FAM184B: variants seen among roughly 807,000 people sequenced by gnomAD.
FAM184B encodes the protein protein FAM184B.
A neutral mutation model predicts 135.9 loss-of-function variants in FAM184B; 111 were observed. The ratio of observed to expected loss-of-function variants is 0.82; its 90% CI spans 0.70 to 0.96. The LOEUF (loss-of-function observed/expected upper bound fraction) is 0.96. Among genes scored for constraint, FAM184B ranks in the 40% least tolerant of loss-of-function variants. The pLI is 0.00. For missense variants in FAM184B, 1,375 were observed against 1,323.9 expected, an observed-to-expected ratio of 1.04 and a Z score of -0.60; for synonymous variants, 552 against 524.8, an observed-to-expected ratio of 1.05 and a Z score of -0.71.
At chr4:17,732,775 G>C (rs1441349932) in intron 1 of FAM184B, among the ~76,000 whole-genome samples, 19 of 152,138 alleles carry the variant, frequency 1.2e-4, no homozygotes, top group African/African-American at 3.1e-4. Context: ...GAGCTGGTAC[G>C]ATTCCTTCTG....
At chr4:17,715,466 A>T (rs966988237) in intron 1 of FAM184B, among the ~76,000 whole-genome samples, 3 of 152,006 alleles carry the variant, frequency 2.0e-5, no homozygotes, top group Non-Finnish European at 4.4e-5. Context: ...ATAGAGTGAC[A>T]CTCTATCTCA....
intron 1 of FAM184B, among the ~76,000 whole-genome samples, chr4:17,775,585 A>C (rs1718910107): frequency 6.6e-6 from 1 of 152,204 alleles, no homozygotes; most frequent in South Asian, 2.1e-4. Flanking sequence ...TTTGTATTCC[A>C]GTTTTGTCAA....
At chr4:17,753,648 A>G (rs991757515) in intron 1 of FAM184B, among the ~76,000 whole-genome samples, 1 of 152,210 alleles carries the variant, frequency 6.6e-6, no homozygotes, top group African/African-American at 2.4e-5. Flanking sequence ...AGCTTTCCCA[A>G]TGTTTGCTGA....
At chr4:17,660,849 C>T (rs1444851492) in intron 8 of FAM184B, among the ~76,000 whole-genome samples, 12 of 152,038 alleles carry the variant, frequency 7.9e-5, no homozygotes. Flanking sequence ...GCAGCATCTT[C>T]TTCCCCTGAC....
At chr4:17,697,666 A>C (rs969039731) in intron 5 of FAM184B, among the ~76,000 whole-genome samples, 1 of 152,228 alleles carries the variant, frequency 6.6e-6, no homozygotes, top group Non-Finnish European at 1.5e-5. Flanking sequence ...TTTGTTTAAC[A>C]TGCTTTAATA....
intron 1 of FAM184B, among the ~76,000 whole-genome samples, chr4:17,763,011 G>A (rs1364883008): frequency 6.6e-6 from 1 of 152,172 alleles, no homozygotes; most frequent in East Asian, 1.9e-4. Flanking sequence ...ACATGTTCCT[G>A]ACTCACTCCT....
At chr4:17,767,731 T>C (rs1389967217) in intron 1 of FAM184B, among the ~76,000 whole-genome samples, 2 of 49,598 alleles carry the variant, frequency 4.0e-5, no homozygotes, top group African/African-American at 1.7e-4. Flanking sequence ...CAGCCCCCTT[T>C]GGGTCTCAGA....
intron 7 of FAM184B, among the ~76,000 whole-genome samples, chr4:17,666,775 G>T (rs2108945748): frequency 6.6e-6 from 1 of 151,912 alleles, no homozygotes. Context: ...CTTACTGGAA[G>T]GTAAGCTCCA....
intron 1 of FAM184B, among the ~76,000 whole-genome samples, chr4:17,778,480 A>G (rs1219982643): frequency 2.0e-5 from 3 of 152,236 alleles, no homozygotes; most frequent in African/African-American, 7.2e-5. Flanking sequence ...AACACTGTAG[A>G]TTCAAGAAAA....
chr4:17,686,450 T>G (rs1716594140), intron 7 of FAM184B, among the ~76,000 whole-genome samples: 2 of 152,342 alleles, frequency 1.3e-5, no homozygotes, highest in South Asian at 4.1e-4. Context: ...GCTGCTCCCC[T>G]TAACCCAATG....
At chr4:17,652,164 G>C in intron 11 of FAM184B, among the ~76,000 whole-genome samples, 1 of 115,756 alleles carries the variant, frequency 8.6e-6, no homozygotes, top group Admixed American at 1.3e-4. Flanking sequence ...TTGCACTGTC[G>C]CCCAGGCTGG....
At chr4:17,775,131 G>A (rs6812677) in intron 1 of FAM184B, among the ~76,000 whole-genome samples, 207 of 150,314 alleles carry the variant, frequency 1.4e-3, no homozygotes, top group African/African-American at 4.8e-3. Context: ...TGGGTAGCTG[G>A]GACTACAGGT....
intron 16 of FAM184B, 38 bp from the exon 17 acceptor site, chr4:17,633,926 C>CA (rs1715043186): frequency 6.9e-6 from 9 of 1,305,278 alleles, no homozygotes; most frequent in South Asian, 3.7e-5. Context: ...CAATGCAATG[C>CA]AAAAAACAAA....
intron 14 of FAM184B, among the ~76,000 whole-genome samples, chr4:17,637,054 TCTCC>T (rs1449729264): frequency 1.3e-5 from 2 of 150,796 alleles, no homozygotes; most frequent in East Asian, 3.9e-4. Context: ...GGAGACGGAG[TCTCC>T]CTCTGTCGCC....
At chr4:17,706,945 T>G in intron 3 of FAM184B, among the ~76,000 whole-genome samples, 1 of 151,942 alleles carries the variant, frequency 6.6e-6, no homozygotes, top group African/African-American at 2.4e-5. Context: ...CTCACTGTGC[T>G]TGGCTAATTT....
At chr4:17,722,102 G>A (rs1041531682) in intron 1 of FAM184B, among the ~76,000 whole-genome samples, 34 of 152,190 alleles carry the variant, frequency 2.2e-4, no homozygotes, top group African/African-American at 7.5e-4. Context: ...GGTGTGGAGA[G>A]GGGGAGACGG....
intron 16 of FAM184B, 67 bp from the exon 17 acceptor site, chr4:17,633,955 AGCAAATAAT>A: frequency 8.1e-7 from 1 of 1,239,432 alleles, no homozygotes; most frequent in Non-Finnish European, 1.1e-6. Context: ...TTATTGTAAA[AGCAAATAAT>A]GCTCACCCAA....
At chr4:17,644,573 A>G (rs1715412164) in intron 12 of FAM184B, among the ~76,000 whole-genome samples, 1 of 152,244 alleles carries the variant, frequency 6.6e-6, no homozygotes, top group South Asian at 2.1e-4. Flanking sequence ...TTAGGTATTG[A>G]TGAGATGTAT....
intron 7 of FAM184B, among the ~76,000 whole-genome samples, chr4:17,669,572 A>G (rs10002848): frequency 0.96 from 145,649 of 152,294 alleles, 69,942 homozygotes; most frequent in East Asian, 1. Context: ...CAATTCTAAT[A>G]AGACCAGTAG....
Sources: allele counts gnomAD v4.1 joint callset (sites outside exome capture counted in the v4.1 genomes callset), GRCh38; gene constraint gnomAD v4.1.1; transcripts MANE v1.5; gene names NCBI Gene and HGNC (gene_info 2026-07-23, HGNC 2026-07-21).